MEIKIN: variants seen among roughly 807,000 people sequenced by gnomAD.
MEIKIN encodes the protein meiosis-specific kinetochore protein.
chr5:131,820,097 AG>A (rs1749465587), intron 11 of MEIKIN, among the ~76,000 whole-genome samples: 1 of 86,660 alleles, frequency 1.2e-5, no homozygotes, highest in African/African-American at 4.9e-5. Context: ...TTTGAGATGG[AG>A]TCTCACTCTG....
intron 8 of MEIKIN, among the ~76,000 whole-genome samples, chr5:131,881,537 G>A (rs1054779636): frequency 8.6e-5 from 13 of 151,850 alleles, no homozygotes; most frequent in East Asian, 3.9e-4. Context: ...ACATCTCTTT[G>A]CTGACTCCAA....
chr5:131,894,752 A>G (rs1012613664), intron 8 of MEIKIN, among the ~76,000 whole-genome samples: 3 of 152,154 alleles, frequency 2.0e-5, no homozygotes, highest in South Asian at 2.1e-4. Context: ...TTGATTTTGT[A>G]TCCTGAGATT....
At chr5:131,876,290 A>G (rs1750611919) in intron 9 of MEIKIN, among the ~76,000 whole-genome samples, 1 of 151,692 alleles carries the variant, frequency 6.6e-6, no homozygotes, top group Admixed American at 6.6e-5. Context: ...AACTCAAACA[A>G]ATTTACAAGA....
intron 3 of MEIKIN, among the ~76,000 whole-genome samples, chr5:131,943,127 G>A (rs1434788852): frequency 2.0e-5 from 3 of 151,928 alleles, no homozygotes; most frequent in East Asian, 1.9e-4. Flanking sequence ...ATATATGTAT[G>A]TACAAAAGTA....
intron 8 of MEIKIN, among the ~76,000 whole-genome samples, chr5:131,897,141 A>C (rs1751066734): frequency 6.6e-6 from 1 of 152,162 alleles, no homozygotes; most frequent in Non-Finnish European, 1.5e-5. Context: ...TTCACTTATG[A>C]AGCTTAGTTT....
intron 12 of MEIKIN, among the ~76,000 whole-genome samples, chr5:131,812,225 A>G (rs1023306571): frequency 1.3e-5 from 2 of 152,220 alleles, no homozygotes; most frequent in African/African-American, 4.8e-5. Flanking sequence ...GTAATATGTA[A>G]CAGTTGCATA....
intron 9 of MEIKIN, among the ~76,000 whole-genome samples, chr5:131,856,946 CTTTT>C (rs899570757): frequency 2.7e-5 from 4 of 148,142 alleles, no homozygotes; most frequent in South Asian, 4.2e-4. Flanking sequence ...TTTTTTTTTT[CTTTT>C]TATTTATTTA....
intron 9 of MEIKIN, among the ~76,000 whole-genome samples, chr5:131,866,200 A>T (rs1169837245): frequency 6.6e-6 from 1 of 152,214 alleles, no homozygotes; most frequent in Admixed American, 6.5e-5. Context: ...TGGTTTCCAG[A>T]TCTGCAAGTG....
chr5:131,906,991 A>G (rs1409857785), intron 8 of MEIKIN, among the ~76,000 whole-genome samples: 2 of 152,204 alleles, frequency 1.3e-5, no homozygotes, highest in East Asian at 3.8e-4. Context: ...AACAAATTAG[A>G]TATGTTTACA....
intron 2 of MEIKIN, 57 bp downstream of exon 2, chr5:131,945,099 G>T (rs1438602057): frequency 1.0e-5 from 4 of 398,974 alleles, no homozygotes; most frequent in Admixed American, 4.4e-5. Context: ...AGAAAATTCG[G>T]CTTGAAGTTT....
At chr5:131,811,622 T>C (rs1772956814) in intron 12 of MEIKIN, among the ~76,000 whole-genome samples, 1 of 152,112 alleles carries the variant, frequency 6.6e-6, no homozygotes, top group South Asian at 2.1e-4. Flanking sequence ...CTTCTTTTTT[T>C]TTTTGAGATG....
intron 8 of MEIKIN, among the ~76,000 whole-genome samples, chr5:131,882,442 T>C (rs1455160360): frequency 1.3e-5 from 2 of 152,166 alleles, no homozygotes; most frequent in African/African-American, 4.8e-5. Flanking sequence ...GCAGAAAGAA[T>C]AGGTGAAACA....
chr5:131,909,561 A>C (rs1011605097), intron 8 of MEIKIN, among the ~76,000 whole-genome samples: 4 of 152,162 alleles, frequency 2.6e-5, no homozygotes, highest in African/African-American at 9.6e-5. Flanking sequence ...CAAAATTACA[A>C]ATGAGATCAC....
rs1040724264 is a variant in MEIKIN at position 131,898,949 on chromosome 5, C to T, written c.703+12866G>A. On this transcript the variant is annotated intron_variant, in intron 8 of 12. Transcript: ENST00000442687. The stretch of plus-strand genomic sequence containing the variant: ...GGGCTGTACCCACTGTCCAAGCAGT[C>T]CCAATGAGATGAACCAGGTACTTCA... Among the ~76,000 whole-genome samples, 3 of 152,268 alleles carry T rather than the reference C, an allele frequency of 2.0e-5. No homozygotes were observed. In the East Asian group the frequency reaches 5.8e-4, roughly 29 times the overall value.
At chr5:131,895,251 G>C (rs1751016792) in intron 8 of MEIKIN, among the ~76,000 whole-genome samples, 1 of 152,180 alleles carries the variant, frequency 6.6e-6, no homozygotes, top group African/African-American at 2.4e-5. Flanking sequence ...CTGGATCATG[G>C]TGGATAAGCT....
At chr5:131,867,259 T>C (rs1000578559) in intron 9 of MEIKIN, among the ~76,000 whole-genome samples, 1 of 152,170 alleles carries the variant, frequency 6.6e-6, no homozygotes, top group African/African-American at 2.4e-5. Context: ...GAGCAGAAAA[T>C]ATAGACTTCT....
At chr5:131,871,051 G>T (rs1382804121) in intron 9 of MEIKIN, among the ~76,000 whole-genome samples, 4 of 152,182 alleles carry the variant, frequency 2.6e-5, no homozygotes, top group Non-Finnish European at 4.4e-5. Flanking sequence ...GAACAGCTCA[G>T]GTCTACAGCT....
chr5:131,818,691 A>C, intron 12 of MEIKIN, 49 bp downstream of exon 12: 1 of 393,940 alleles, frequency 2.5e-6, no homozygotes, highest in African/African-American at 2.1e-5. Context: ...TAATGAAAAA[A>C]ATGTTTTATA....
chr5:131,895,306 A>G (rs1751017954), intron 8 of MEIKIN, among the ~76,000 whole-genome samples: 1 of 152,130 alleles, frequency 6.6e-6, no homozygotes, highest in Non-Finnish European at 1.5e-5. Flanking sequence ...TTTACTGAGG[A>G]TTTTCACATC....
Sources: allele counts gnomAD v4.1 joint callset (sites outside exome capture counted in the v4.1 genomes callset), GRCh38; gene constraint gnomAD v4.1.1; transcripts MANE v1.5; gene names NCBI Gene and HGNC (gene_info 2026-07-23, HGNC 2026-07-21).